Variants in FAM53A observed in about 807,000 individuals in gnomAD.
The protein encoded by FAM53A is protein FAM53A.
FAM53A carries 28 observed loss-of-function variants against 26.6 expected under a neutral mutation model. That is an observed-to-expected ratio of 1.05 (90% confidence interval 0.78 to 1.45). FAM53A has a LOEUF of 1.45. Among genes scored for constraint, FAM53A ranks in the 40% most tolerant of loss-of-function variants. The probability of loss-of-function intolerance (pLI) is 0.00; values close to 1 mark genes in which losing one functional copy is unlikely to be tolerated. For missense variants in FAM53A, 650 were observed against 575.8 expected (o/e 1.13, Z -1.32); for synonymous variants, 290 against 253.1 (o/e 1.15, Z -1.38).
chr4:1,616,955 G>A (rs932158788), downstream of FAM53A, among the ~76,000 whole-genome samples: 1 of 152,144 alleles, frequency 6.6e-6, no homozygotes, highest in African/African-American at 2.4e-5. Flanking sequence ...GGGCCAACAG[G>A]GTGAAACACC....
At chr4:1,620,626 C>T (rs1714987348) in intron 1 of FAM53A, among the ~76,000 whole-genome samples, 1 of 151,874 alleles carries the variant, frequency 6.6e-6, no homozygotes, top group Admixed American at 6.6e-5. Context: ...TGAGACTGCG[C>T]CACTGCATTC....
chr4:1,638,680 G>T (rs2108793268), downstream of FAM53A, among the ~76,000 whole-genome samples: 1 of 152,244 alleles, frequency 6.6e-6, no homozygotes, highest in African/African-American at 2.4e-5. Flanking sequence ...TCGGAGGGGT[G>T]GGGGGCGGCT....
chr4:1,647,565 T>C (rs1166463355), intron 4 of FAM53A, among the ~76,000 whole-genome samples: 2 of 152,176 alleles, frequency 1.3e-5, no homozygotes, highest in Non-Finnish European at 2.9e-5. Context: ...ATAGGAGCCC[T>C]GCAGGGTGAA....
downstream of FAM53A, among the ~76,000 whole-genome samples, chr4:1,616,431 A>G (rs533467303): frequency 2.4e-4 from 34 of 143,224 alleles, no homozygotes; most frequent in Admixed American, 4.9e-4. Flanking sequence ...GAGCCGAGCC[A>G]TGATTGCGCC....
At chr4:1,653,688 G>A (rs1453740891) in intron 4 of FAM53A, among the ~76,000 whole-genome samples, 2 of 152,232 alleles carry the variant, frequency 1.3e-5, no homozygotes, top group Non-Finnish European at 2.9e-5. Context: ...TAGCAGGGAA[G>A]TCTGGGTTTT....
chr4:1,662,109 C>T (rs1408144870), intron 2 of FAM53A, among the ~76,000 whole-genome samples: 1 of 151,898 alleles, frequency 6.6e-6, no homozygotes, highest in African/African-American at 2.4e-5. Context: ...CGGGAGGACC[C>T]ATTGAGCACA....
the FAM53A span, among the ~76,000 whole-genome samples, chr4:1,584,230 TCTTG>T: frequency 2.6e-5 from 4 of 152,214 alleles, no homozygotes; most frequent in Admixed American, 6.5e-5. Context: ...TCTTTTGGAG[TCTTG>T]CTTAAGAAAT....
At chr4:1,660,564 G>A (rs1175369904) in intron 2 of FAM53A, among the ~76,000 whole-genome samples, 2 of 152,148 alleles carry the variant, frequency 1.3e-5, no homozygotes, top group African/African-American at 4.8e-5. Context: ...TCCAGCCTGG[G>A]CAACACAGCA....
chr4:1,622,589 G>A (rs961877905), intron 1 of FAM53A, among the ~76,000 whole-genome samples: 1 of 152,234 alleles, frequency 6.6e-6, no homozygotes, highest in African/African-American at 2.4e-5. Flanking sequence ...CACAAACAGG[G>A]GCAGAGGGGC....
chr4:1,614,088 C>T (rs541516050), downstream of FAM53A, among the ~76,000 whole-genome samples: 14 of 152,310 alleles, frequency 9.2e-5, no homozygotes, highest in African/African-American at 3.4e-4. Flanking sequence ...CGGCCAGTCA[C>T]GCTGGGCACC....
chr4:1,610,861 C>T, the FAM53A span, among the ~76,000 whole-genome samples: 1,233 of 152,300 alleles, frequency 8.1e-3, 18 homozygotes, highest in African/African-American at 0.028. Flanking sequence ...GCCCCCAACC[C>T]GGGCCCCGGC....
At chr4:1,672,005 G>A (rs1024027536) in intron 1 of FAM53A, among the ~76,000 whole-genome samples, 17 of 104,892 alleles carry the variant, frequency 1.6e-4, no homozygotes, top group Non-Finnish European at 2.7e-4. Flanking sequence ...AGAGCAAAGC[G>A]AGCAGCAGTG....
the FAM53A span, among the ~76,000 whole-genome samples, chr4:1,597,047 G>A: frequency 6.6e-6 from 1 of 152,142 alleles, no homozygotes; most frequent in Non-Finnish European, 1.5e-5. Flanking sequence ...TCCGAGAGGG[G>A]ACAGGCAGCT....
At chr4:1,583,153 T>C in the FAM53A span, among the ~76,000 whole-genome samples, 1 of 152,186 alleles carries the variant, frequency 6.6e-6, no homozygotes, top group Admixed American at 6.5e-5. Flanking sequence ...GTGAACACAC[T>C]GTGGGTGCCA....
intron 2 of FAM53A, among the ~76,000 whole-genome samples, chr4:1,663,242 G>A (rs950565246): frequency 3.9e-5 from 6 of 152,152 alleles, no homozygotes; most frequent in Admixed American, 2.6e-4. Flanking sequence ...GCTGCAGAAC[G>A]GAACATGGTA....
intron 4 of FAM53A, among the ~76,000 whole-genome samples, chr4:1,646,139 C>T (rs1016331134): frequency 1.3e-5 from 2 of 151,774 alleles, no homozygotes; most frequent in South Asian, 2.1e-4. Context: ...CTTGCTCTGT[C>T]GCCCAGGTTG....
In FAM53A at chr4:1,655,665, C is replaced by G. The variant is rs568276356; in HGVS notation, c.195G>C (p.Thr65=). The change falls in exon 4 of 5, where the codon ACG becomes ACC. Residue 65 remains threonine (T), a synonymous_variant. Transcript: ENST00000308132. ...GGPPVRSQAA[T]GPDFSFLPGL... ...CCGGCAGGAAGGAGAAATCAGGGCCCGTGGCTGCCTGGCTTCTGACGGGCG... is the reference window on the plus strand; with the variant it reads ...CCGGCAGGAAGGAGAAATCAGGGCCGGTGGCTGCCTGGCTTCTGACGGGCG... 9 of 1,595,298 alleles carry G rather than the reference C, an allele frequency of 5.6e-6. No homozygotes were observed. In the East Asian group the frequency reaches 1.1e-4, roughly 20 times the overall value.
At chr4:1,615,634 A>G (rs1279336328), downstream of FAM53A, among the ~76,000 whole-genome samples, 1 of 151,698 alleles carries the variant, frequency 6.6e-6, no homozygotes, top group Non-Finnish European at 1.5e-5. Flanking sequence ...CTGGGCACAC[A>G]TGGAAGACAG....
intron 1 of FAM53A, among the ~76,000 whole-genome samples, chr4:1,671,368 G>C (rs10016553): frequency 2.6e-3 from 186 of 72,898 alleles, no homozygotes; most frequent in Admixed American, 4.2e-3. Context: ...ACTCACCTCT[G>C]TCCCAGCGTC....
Sources: gnomAD v4.1 joint callset for allele counts (sites outside exome capture counted in the v4.1 genomes callset) on GRCh38, gnomAD v4.1.1 for gene constraint, MANE v1.5 for transcripts, NCBI Gene and HGNC (gene_info 2026-07-23, HGNC 2026-07-21) for gene names.